Variants in ANAPC15 observed in about 807,000 individuals in gnomAD.
ANAPC15 encodes the protein anaphase promoting complex subunit 15.
ANAPC15 carries 13 observed loss-of-function variants against 19.8 expected under a neutral mutation model. The observed-to-expected ratio is 0.66, with a 90% confidence interval of 0.43 to 1.04. The LOEUF (loss-of-function observed/expected upper bound fraction) is 1.04. Among genes scored for constraint, ANAPC15 ranks in the 50% least tolerant of loss-of-function variants. The pLI is 0.00. For synonymous variants in ANAPC15, 45 were observed against 50.7 expected (o/e 0.89, Z 0.47); for missense variants, 88 against 150.3 (o/e 0.59, Z 2.17).
rs753494805 is a variant in ANAPC15 at position 72,111,208 on chromosome 11, G to C, written c.69C>G (p.Pro23=). Reference sequence around the variant, plus strand: ...GCTGCAGCTCTGTCTCTTCCACACAGGGTCGATCCAGATTAAACCACAGAG... The same window carrying C: ...GCTGCAGCTCTGTCTCTTCCACACACGGTCGATCCAGATTAAACCACAGAG... The part of the protein sequence containing the change: ...TETLWFNLDR[P]CVEETELQQQ... The change falls in exon 3 of 6, where the codon CCC becomes CCG. Residue 23 remains proline (P), a synonymous_variant. Transcript: ENST00000227618. The C allele has an allele frequency of 1.1e-5, 17 of 1,613,972 alleles. No homozygotes were observed. Among genetic ancestry groups the C allele is most frequent in the Non-Finnish European group, 1.4e-5 (16 of 1,179,826 alleles).
At chr11:72,110,478 A>T in intron 4 of ANAPC15, 66 bp downstream of exon 4, 6 of 1,601,228 alleles carry the variant, frequency 3.7e-6, no homozygotes, top group Non-Finnish European at 4.3e-6. Flanking sequence ...CAGGACATTC[A>T]GAATTAGAGC....
chr11:72,112,747 C>T (rs1947364059), upstream of ANAPC15: 1 of 456,426 alleles, frequency 2.2e-6, no homozygotes, highest in South Asian at 1.5e-5. Context: ...ACGCATGCGT[C>T]CTTCGTCTCC....
At chr11:72,107,962 C>A (rs1428464638), downstream of ANAPC15, 9 of 1,551,600 alleles carry the variant, frequency 5.8e-6, no homozygotes, top group Admixed American at 2.0e-5. Flanking sequence ...AAGGCCCCTG[C>A]TTGTGTGCTG....
chr11:72,110,131 A>G lies in ANAPC15; in HGVS notation c.275T>C (p.Met92Thr). The G allele has an allele frequency of 3.7e-6, 6 of 1,614,116 alleles. No homozygotes were observed. Among genetic ancestry groups the G allele is most frequent in the Non-Finnish European group, 5.1e-6 (6 of 1,180,028 alleles). Reference protein sequence around the residue: ...DDEDMQDMDEMNDYNESPDDG... With the variant: ...DDEDMQDMDETNDYNESPDDG... ...ATCCGGTGACTCATTGTAGTCATTC[A>G]TCTCGTCCATGTCCTGCATATCCTC... The change falls in exon 5 of 6, where the codon ATG (methionine) becomes ACG (threonine). Residue 92 changes from methionine (M) to threonine (T), a missense_variant. Coordinates refer to ENST00000227618, the MANE Select transcript of ANAPC15 (RefSeq NM_014042.3).
downstream of ANAPC15, chr11:72,109,294 T>C (rs1192308399): frequency 1.3e-5 from 6 of 471,706 alleles, no homozygotes; most frequent in Non-Finnish European, 2.5e-5. Flanking sequence ...TCCAGGGGCC[T>C]CCCAGTTCTC....
chr11:72,107,584 TG>T (rs1342733330), downstream of ANAPC15: 2 of 697,150 alleles, frequency 2.9e-6, no homozygotes, highest in Admixed American at 4.1e-5. Context: ...AGGCCACAGG[TG>T]GGAAGTACTG....
intron 3 of ANAPC15, 148 bp downstream of exon 3, chr11:72,111,009 T>G: frequency 1.5e-6 from 1 of 652,176 alleles, no homozygotes; most frequent in South Asian, 1.9e-5. Context: ...ATGAGAACCT[T>G]GGCTCCCTGG....
At position 72,109,854 on chromosome 11, in the gene ANAPC15, T is replaced by C. The variant is rs1325637987; in HGVS notation, c.*27A>G. On this transcript the variant is annotated 3_prime_UTR_variant, in exon 6 of 6. Coordinates refer to ENST00000227618, the MANE Select transcript of ANAPC15 (RefSeq NM_014042.3). Reference sequence around the variant, plus strand: ...GGGTAGTTTGGGCTGGCCTGGAATCTCCCTGAGGCCACCCTGCCTTGTCTA... The same window carrying C: ...GGGTAGTTTGGGCTGGCCTGGAATCCCCCTGAGGCCACCCTGCCTTGTCTA... 6.2e-7 allele frequency: 1 copy of C among 1,612,612 alleles called. No homozygotes were observed. The highest frequency in any genetic ancestry group is 1.1e-5 in the South Asian group (1 of 91,000).
intron 1 of ANAPC15, chr11:72,112,108 G>T (rs1376216455): frequency 1.3e-5 from 2 of 153,106 alleles, no homozygotes; most frequent in African/African-American, 4.8e-5. Context: ...AATAATCGAT[G>T]CCTGGTCCTG....
At chr11:72,107,791 A>G, downstream of ANAPC15, 2 of 917,412 alleles carry the variant, frequency 2.2e-6, no homozygotes, top group Admixed American at 2.3e-5. Context: ...AGCTGGGGCT[A>G]TGGTACAAGA....
chr11:72,111,618 G>A (rs1338021804), intron 1 of ANAPC15, 122 bp from the exon 2 acceptor site: 1 of 207,862 alleles, frequency 4.8e-6, no homozygotes. Context: ...GGAGTCAAGT[G>A]TAGGGATAGG....
chr11:72,108,705 G>A (rs1425399080), downstream of ANAPC15: 14 of 1,548,646 alleles, frequency 9.0e-6, no homozygotes, highest in South Asian at 7.2e-5. Flanking sequence ...CACCGGCCAC[G>A]ATGTTACCTG....
upstream of ANAPC15, chr11:72,112,779 C>A (rs757867351): frequency 7.2e-5 from 33 of 455,882 alleles, no homozygotes; most frequent in Non-Finnish European, 1.3e-4. Flanking sequence ...CCGCTCCCGC[C>A]CACTAAACCG....
Position 72,111,210 on chromosome 11 carries a change from G to A in ANAPC15, c.67C>T (p.Pro23Ser), listed in dbSNP as rs1169808634. The A allele has an allele frequency of 6.2e-7, 1 of 1,614,046 alleles. No individual in the cohort carries two copies. The highest frequency in any genetic ancestry group is 1.3e-5 in the African/African-American group (1 of 75,054). The change falls in exon 3 of 6, where the codon CCC (proline) becomes TCC (serine). Residue 23 changes from proline to serine, a missense_variant. Physicochemically the swap from Pro to Ser is moderately conservative, Grantham distance 74. Coordinates refer to ENST00000227618, the MANE Select transcript of ANAPC15 (RefSeq NM_014042.3). ...TETLWFNLDR[P>S]CVEETELQQQ... The stretch of plus-strand genomic sequence containing the variant: ...TGCAGCTCTGTCTCTTCCACACAGG[G>A]TCGATCCAGATTAAACCACAGAGTC...
downstream of ANAPC15, chr11:72,109,189 C>G: frequency 3.9e-6 from 2 of 511,292 alleles, no homozygotes; most frequent in Admixed American, 6.2e-5. Context: ...CGACCCAGCT[C>G]TGTCACTGAT....
downstream of ANAPC15, chr11:72,108,504 C>T: frequency 9.4e-7 from 1 of 1,064,050 alleles, no homozygotes; most frequent in Non-Finnish European, 1.3e-6. Context: ...TCATGGGAAG[C>T]TAAGCCAGGA....
rs1327789857 is a variant in ANAPC15 at position 72,111,245 on chromosome 11, C to T, written c.32G>A (p.Arg11His). 11 of 1,613,798 alleles carry T rather than the reference C, an allele frequency of 6.8e-6. No homozygotes were observed. Among genetic ancestry groups the T allele is most frequent in the African/African-American group, 1.3e-5 (1 of 74,882 alleles). ...ATTAAACCACAGAGTCTCAGTCACA[C>T]GAGGGAAGAGTGAGGGGAACAAAGT... is the stretch of plus-strand genomic sequence containing the variant. Reference protein sequence around the residue: MSTLFPSLFPRVTETLWFNLD... With the variant: MSTLFPSLFPHVTETLWFNLD... Residue 11 changes from arginine (R) to histidine (H), a missense_variant, in exon 3 of 6, where the codon CGT (arginine) becomes CAT (histidine). By Grantham distance (29) the Arg-to-His change is conservative. Transcript: ENST00000227618.
chr11:72,109,394 T>C (rs927914671), downstream of ANAPC15: 1 of 459,674 alleles, frequency 2.2e-6, no homozygotes, highest in Non-Finnish European at 4.4e-6. Flanking sequence ...CAGGAATAGC[T>C]GGATGCAAGC....
downstream of ANAPC15, chr11:72,108,572 C>A (rs901723602): frequency 3.5e-6 from 5 of 1,435,146 alleles, no homozygotes; most frequent in African/African-American, 2.9e-5. Context: ...CAATTCCCCC[C>A]ACCCTCACCT....
Sources: allele counts gnomAD v4.1 joint callset, GRCh38; gene constraint gnomAD v4.1.1; transcripts MANE v1.5; gene names NCBI Gene and HGNC (gene_info 2026-07-23, HGNC 2026-07-21).